ANK3: variants seen among roughly 807,000 people sequenced by gnomAD.
The protein encoded by ANK3 is ankyrin 3.
ANK3 carries 57 observed loss-of-function variants against 370.9 expected under a neutral mutation model. The ratio of observed to expected loss-of-function variants is 0.15; its 90% confidence interval spans 0.12 to 0.19. The LOEUF (loss-of-function observed/expected upper bound fraction) is 0.19. ANK3 is among the 10% of genes least tolerant of loss of function. The pLI is 1.00. For missense variants in ANK3, 4,439 were observed against 5,302.1 expected, an observed-to-expected ratio of 0.84 and a Z score of 5.06; for synonymous variants, 1,929 against 1,946.3, an observed-to-expected ratio of 0.99 and a Z score of 0.23.
intron 1 of ANK3, among the ~76,000 whole-genome samples, chr10:60,323,027 C>T (rs1355105861): frequency 1.3e-5 from 2 of 152,024 alleles, no homozygotes; most frequent in South Asian, 2.1e-4. Context: ...TTTGGATATC[C>T]CCACAAGCAG....
chr10:60,607,173 A>G (rs2078139695), intron 2 of ANK3, among the ~76,000 whole-genome samples: 1 of 152,216 alleles, frequency 6.6e-6, no homozygotes, highest in Admixed American at 6.6e-5. Flanking sequence ...GTCAAGATGA[A>G]GAGAACTCAT....
At chr10:60,611,221 G>A (rs1164775378) in intron 2 of ANK3, among the ~76,000 whole-genome samples, 3 of 152,054 alleles carry the variant, frequency 2.0e-5, no homozygotes, top group Admixed American at 1.3e-4. Flanking sequence ...TTTAGGGACC[G>A]ATACTCCAAA....
At chr10:60,308,396 C>G (rs576870708) in intron 1 of ANK3, among the ~76,000 whole-genome samples, 1 of 149,942 alleles carries the variant, frequency 6.7e-6, no homozygotes, top group African/African-American at 2.5e-5. Flanking sequence ...GCCTTTCAGC[C>G]TCCCGAGTAG....
In ANK3 at chr10:60,139,113, A is replaced by C. The variant is rs1275974043; in HGVS notation, c.2615-26T>G. 9 of 1,602,426 alleles carry C rather than the reference A, an allele frequency of 5.6e-6. No individual in the cohort carries two copies. In the Admixed American group the frequency reaches 1.4e-4, roughly 25 times the overall value. On this transcript the variant is annotated intron_variant, in intron 23 of 43. Transcript: ENST00000280772. ...CTGCAGATGTAGAGAGTAAGCCCAC[A>C]TCAAAAGCTTCCCTTTTGAAAGTGT...
intron 28 of ANK3, among the ~76,000 whole-genome samples, chr10:60,089,008 G>GA (rs1275664913): frequency 6.6e-5 from 10 of 151,398 alleles, no homozygotes; most frequent in African/African-American, 2.2e-4. Flanking sequence ...TTAGGAAAAA[G>GA]AAAAAAAAGT....
chr10:60,478,492 A>G (rs1050569699), intron 2 of ANK3, among the ~76,000 whole-genome samples: 3 of 152,094 alleles, frequency 2.0e-5, no homozygotes, highest in African/African-American at 7.2e-5. Flanking sequence ...ATATTTAAAG[A>G]CAATTGAGAT....
At chr10:60,570,012 G>GTA (rs113201030) in intron 2 of ANK3, among the ~76,000 whole-genome samples, 13 of 151,800 alleles carry the variant, frequency 8.6e-5, no homozygotes, top group East Asian at 3.9e-4. Flanking sequence ...GAATAAAAAG[G>GTA]TATATATATA....
intron 23 of ANK3, among the ~76,000 whole-genome samples, chr10:60,143,567 A>G (rs2132225210): frequency 6.6e-6 from 1 of 152,312 alleles, no homozygotes; most frequent in East Asian, 1.9e-4. Context: ...TGTTTTCTAA[A>G]GTTATTTGGT....
chr10:60,611,295 G>C (rs1467565596), intron 2 of ANK3, among the ~76,000 whole-genome samples: 1 of 152,126 alleles, frequency 6.6e-6, no homozygotes, highest in Non-Finnish European at 1.5e-5. Flanking sequence ...ACTTGAATCA[G>C]CAGAGGAAGG....
At chr10:60,695,804 G>T (rs946187780) in intron 1 of ANK3, among the ~76,000 whole-genome samples, 6 of 152,170 alleles carry the variant, frequency 3.9e-5, no homozygotes, top group African/African-American at 1.4e-4. Flanking sequence ...AAGCAGGAAA[G>T]ATCCAAAATT....
chr10:60,240,306 A>ATATT (rs11282162), intron 7 of ANK3, among the ~76,000 whole-genome samples: 20 of 119,770 alleles, frequency 1.7e-4, no homozygotes, highest in East Asian at 6.9e-4. Context: ...ATATATATAT[A>ATATT]TTTTTTTTTC....
chr10:60,713,198 C>T (rs1459155738), intron 1 of ANK3, among the ~76,000 whole-genome samples: 3 of 152,184 alleles, frequency 2.0e-5, no homozygotes, highest in Non-Finnish European at 1.5e-5. Flanking sequence ...AAACAGACCA[C>T]TTTCTGAGCC....
chr10:60,558,808 A>G (rs962590330), intron 2 of ANK3, among the ~76,000 whole-genome samples: 4 of 152,202 alleles, frequency 2.6e-5, no homozygotes, highest in Non-Finnish European at 2.9e-5. Flanking sequence ...ATAATTTTCT[A>G]AAGCAATTTA....
At chr10:60,231,657 C>T (rs974507667) in intron 8 of ANK3, among the ~76,000 whole-genome samples, 4 of 152,196 alleles carry the variant, frequency 2.6e-5, no homozygotes, top group African/African-American at 9.7e-5. Flanking sequence ...ACTACTTCAT[C>T]ATTTCAGCAG....
At chr10:60,692,493 C>G (rs933981334) in intron 1 of ANK3, among the ~76,000 whole-genome samples, 1 of 152,196 alleles carries the variant, frequency 6.6e-6, no homozygotes, top group Non-Finnish European at 1.5e-5. Flanking sequence ...TAAAACTGAT[C>G]TATTAAGAAT....
intron 1 of ANK3, among the ~76,000 whole-genome samples, chr10:60,308,590 G>T (rs1413933982): frequency 6.6e-6 from 1 of 152,052 alleles, no homozygotes; most frequent in Non-Finnish European, 1.5e-5. Context: ...TCTGGTGTTG[G>T]ATGTCTGTTG....
chr10:60,177,111 C>G (rs1027664797), intron 18 of ANK3, among the ~76,000 whole-genome samples: 6 of 152,174 alleles, frequency 3.9e-5, no homozygotes, highest in African/African-American at 1.4e-4. Flanking sequence ...ATCTGAAACA[C>G]CTTGACAGTT....
chr10:60,246,086 T>A (rs1198538721), intron 7 of ANK3, among the ~76,000 whole-genome samples: 1 of 151,742 alleles, frequency 6.6e-6, no homozygotes, highest in Admixed American at 6.6e-5. Context: ...AGAAACCCTA[T>A]CTCTACTAAA....
chr10:60,499,288 G>A (rs555690263), intron 2 of ANK3, among the ~76,000 whole-genome samples: 54 of 152,054 alleles, frequency 3.6e-4, no homozygotes, highest in Non-Finnish European at 7.2e-4. Context: ...TACACCATGC[G>A]AAAATAAAAT....
Sources: gnomAD v4.1 joint callset for allele counts (sites outside exome capture counted in the v4.1 genomes callset) on GRCh38, gnomAD v4.1.1 for gene constraint, MANE v1.5 for transcripts, NCBI Gene and HGNC (gene_info 2026-07-23, HGNC 2026-07-21) for gene names.